Variants in MAP3K8 observed in about 807,000 individuals in gnomAD.
MAP3K8 encodes the protein mitogen-activated protein kinase kinase kinase 8, also known as Ewing sarcoma transformant.
A neutral mutation model predicts 45.8 loss-of-function variants in MAP3K8; 22 were observed. That is an observed-to-expected ratio of 0.48 (90% confidence interval 0.34 to 0.69). MAP3K8 has a LOEUF of 0.69. MAP3K8 is among the 30% of genes least tolerant of loss of function. The probability of loss-of-function intolerance (pLI) is 0.01; values close to 1 mark genes in which losing one functional copy is unlikely to be tolerated. For missense variants in MAP3K8, 419 were observed against 585.0 expected (o/e 0.72, Z 2.93); for synonymous variants, 223 against 214.3 (o/e 1.04, Z -0.36).
chr10:30,457,037 T>C (rs1431578177), intron 6 of MAP3K8, among the ~76,000 whole-genome samples: 1 of 150,698 alleles, frequency 6.6e-6, no homozygotes, highest in Non-Finnish European at 1.5e-5. Context: ...TGAACCGAGA[T>C]CGCACCATTG....
intron 4 of MAP3K8, 25 bp downstream of exon 4, chr10:30,447,974 C>T (rs747634604): frequency 6.4e-7 from 1 of 1,570,748 alleles, no homozygotes. Context: ...CCTAGATAAC[C>T]CACACTGTGT....
chr10:30,439,914 G>A (rs934655503), intron 3 of MAP3K8, among the ~76,000 whole-genome samples: 2 of 152,188 alleles, frequency 1.3e-5, no homozygotes, highest in Admixed American at 1.3e-4. Flanking sequence ...GTCTGAGAGG[G>A]GAATAAACAC....
In MAP3K8 at chr10:30,434,288, G is replaced by T. The variant is rs975373202; in HGVS notation, c.-345G>T. ...CGGATCCCAGTGGCCCGGCGTGCTC[G>T]GCTCCCACAGGCCTGCAGCCAGCAT... On this transcript the variant is annotated 5_prime_UTR_variant, in exon 1 of 9. Coordinates refer to ENST00000263056, the MANE Select transcript of MAP3K8 (RefSeq NM_005204.4). 9.3e-6 allele frequency: 2 copies of T among 215,660 alleles called. No individual in the cohort carries two copies. The highest frequency in any genetic ancestry group is 1.6e-5 in the Non-Finnish European group (2 of 126,306). 13.4% of individuals were successfully genotyped at this position (215,660 alleles called of 1,614,324 possible).
chr10:30,447,660 A>G (rs1463366499), intron 3 of MAP3K8, 122 bp from the exon 4 acceptor site: 2 of 769,564 alleles, frequency 2.6e-6, no homozygotes, highest in East Asian at 2.5e-5. Context: ...AAGCACAGTG[A>G]CATTAATTTC....
At chr10:30,438,568 C>T (rs990212469) in intron 2 of MAP3K8, among the ~76,000 whole-genome samples, 3 of 152,160 alleles carry the variant, frequency 2.0e-5, no homozygotes, top group Non-Finnish European at 2.9e-5. Context: ...CCTAAAGAGC[C>T]GGTAGCCTAA....
chr10:30,453,330 T>A (rs908182298), intron 6 of MAP3K8, among the ~76,000 whole-genome samples: 2 of 152,172 alleles, frequency 1.3e-5, no homozygotes, highest in African/African-American at 4.8e-5. Flanking sequence ...CATTAATATT[T>A]ATGAGGACTC....
intron 3 of MAP3K8, 188 bp downstream of exon 3, chr10:30,439,462 T>C (rs1178706676): frequency 2.5e-6 from 3 of 1,184,032 alleles, no homozygotes; most frequent in East Asian, 5.2e-5. Context: ...AAAATTTCTA[T>C]TTAAAGATTC....
intron 2 of MAP3K8, 43 bp downstream of exon 2, chr10:30,437,449 G>T: frequency 7.1e-6 from 2 of 281,994 alleles, no homozygotes; most frequent in Non-Finnish European, 1.1e-5. Flanking sequence ...GGGGAAAATT[G>T]AGGTCGAGAG....
Position 30,434,804 on chromosome 10 carries a change from A to G in MAP3K8, c.-255+426A>G, listed in dbSNP as rs142875459. 6,528 of 982,738 alleles carry G rather than the reference A, an allele frequency of 6.6e-3. 26 individuals are homozygous for G. The highest frequency in any genetic ancestry group is 7.4e-3 in the Non-Finnish European group (6,119 of 827,476). 60.9% of individuals were successfully genotyped at this position (982,738 alleles called of 1,614,324 possible). ...ATCCTCCCAAATGCTGGGTGCTTTG[A>G]TAATTTATAAGCCTTTTAGGCTCCC... On this transcript the variant is annotated intron_variant, in intron 1 of 8. Coordinates refer to ENST00000263056, the MANE Select transcript of MAP3K8 (RefSeq NM_005204.4).
In MAP3K8 at chr10:30,449,103, C is replaced by G. The variant is rs8177004; in HGVS notation, c.504+1154C>G. ...GAAATGAGATCTACTGTATGAGATT[C>G]TATTTATATAAAGGACCAAAACAGG... On this transcript the variant is annotated intron_variant, in intron 4 of 8. Transcript: ENST00000263056. Among the ~76,000 whole-genome samples, 348 of 152,248 alleles carry G rather than the reference C, an allele frequency of 2.3e-3. 1 individual carries two copies. The highest frequency in any genetic ancestry group is 8.1e-3 in the African/African-American group (336 of 41,540).
At position 30,439,150 on chromosome 10, in the gene MAP3K8, C is replaced by G. The variant is rs1241868987; in HGVS notation, c.212C>G (p.Pro71Arg). 1.2e-6 allele frequency: 2 copies of G among 1,614,218 alleles called. No individual in the cohort carries two copies. The highest frequency in any genetic ancestry group is 1.7e-6 in the Non-Finnish European group (2 of 1,180,032). Reference sequence around the variant, plus strand: ...CTGCTGCTTAGTGGCCAAGAGGTACCATGGTTGTCATCAGTCAGATATGGA... The same window carrying G: ...CTGCTGCTTAGTGGCCAAGAGGTACGATGGTTGTCATCAGTCAGATATGGA... Reference protein sequence around the residue: ...KSLLLSGQEVPWLSSVRYGTV... With the variant: ...KSLLLSGQEVRWLSSVRYGTV... The change falls in exon 3 of 9, where the codon CCA becomes CGA. Residue 71 changes from proline (P) to arginine (R), a missense_variant. By Grantham distance (103) the Pro-to-Arg change is moderately radical (BLOSUM62 -2). Coordinates refer to ENST00000263056, the MANE Select transcript of MAP3K8 (RefSeq NM_005204.4).
Position 30,447,774 on chromosome 10 carries a change from T to G in MAP3K8, c.337-8T>G. ...TTCTCACCGTCTCACATTTTTATTTTGTTGTAGGTCATCACTCCCCAAAAT... is the reference window on the plus strand; with the variant it reads ...TTCTCACCGTCTCACATTTTTATTTGGTTGTAGGTCATCACTCCCCAAAAT... On this transcript the variant is annotated splice_polypyrimidine_tract_variant and splice_region_variant and intron_variant, in intron 3 of 8. Coordinates refer to ENST00000263056, the MANE Select transcript of MAP3K8 (RefSeq NM_005204.4). 1 of 1,611,302 alleles carries G rather than the reference T, an allele frequency of 6.2e-7. No homozygotes were observed. Among genetic ancestry groups the G allele is most frequent in the Non-Finnish European group, 8.5e-7 (1 of 1,179,024 alleles).
intron 7 of MAP3K8, 82 bp from the exon 8 acceptor site, chr10:30,459,173 C>T: frequency 1.3e-6 from 2 of 1,494,152 alleles, no homozygotes; most frequent in Non-Finnish European, 1.8e-6. Flanking sequence ...GGATTACTTT[C>T]TAGGTCCTGG....
chr10:30,447,104 C>A (rs1836366996), intron 3 of MAP3K8, among the ~76,000 whole-genome samples: 1 of 152,164 alleles, frequency 6.6e-6, no homozygotes, highest in Non-Finnish European at 1.5e-5. Context: ...TAAGAGTTGG[C>A]TTGCTCATGA....
In MAP3K8 at chr10:30,450,471, G is replaced by A. The variant is rs1836498152; in HGVS notation, c.718G>A (p.Gly240Arg). 6.2e-7 allele frequency: 1 copy of A among 1,613,896 alleles called. No homozygotes were observed. Among genetic ancestry groups the A allele is most frequent in the Admixed American group, 1.7e-5 (1 of 59,994 alleles). ...TTGGGTGACAAAGCATGTTCTCAAGGGACTTGATTTTCTACACTCAAAGAA... is the reference window on the plus strand; with the variant it reads ...TTGGGTGACAAAGCATGTTCTCAAGAGACTTGATTTTCTACACTCAAAGAA... ...IIWVTKHVLK[G>R]LDFLHSKKVI... Residue 240 changes from glycine to arginine, a missense_variant, in exon 5 of 9, where the codon GGA (glycine) becomes AGA (arginine). By Grantham distance (125) the Gly-to-Arg change is moderately radical. This residue lies in a region of MAP3K8 where 209 missense variants were observed against 367.3 expected (regional missense o/e 0.57). Transcript: ENST00000263056.
intron 1 of MAP3K8, among the ~76,000 whole-genome samples, chr10:30,435,295 C>T (rs949625946): frequency 6.6e-6 from 1 of 152,166 alleles, no homozygotes; most frequent in South Asian, 2.1e-4. Context: ...TAATCCACTT[C>T]CAGCTGACGC....
intron 2 of MAP3K8, 110 bp from the exon 3 acceptor site, chr10:30,438,806 T>C: frequency 3.1e-6 from 2 of 643,774 alleles, no homozygotes; most frequent in East Asian, 5.5e-5. Flanking sequence ...CCTCGTTTTC[T>C]GAACAAAAGC....
intron 3 of MAP3K8, among the ~76,000 whole-genome samples, chr10:30,446,812 G>T (rs992080876): frequency 6.6e-6 from 1 of 152,038 alleles, no homozygotes; most frequent in African/African-American, 2.4e-5. Flanking sequence ...GATGTTAAAT[G>T]TCCAATTTTA....
intron 2 of MAP3K8, among the ~76,000 whole-genome samples, chr10:30,438,012 A>G (rs1172177885): frequency 6.6e-6 from 1 of 152,230 alleles, no homozygotes; most frequent in Non-Finnish European, 1.5e-5. Flanking sequence ...TCTCATCTAC[A>G]GATCTCCAAG....
Sources: gnomAD v4.1 joint callset for allele counts (sites outside exome capture counted in the v4.1 genomes callset) on GRCh38, gnomAD v4.1.1 for gene constraint, gnomAD v4.1.1 regional missense constraint, MANE v1.5 for transcripts, NCBI Gene and HGNC (gene_info 2026-07-23, HGNC 2026-07-21) for gene names.